The following RPL38 variants were observed in gnomAD, a reference collection of about 807,000 sequenced individuals.
RPL38 encodes the protein large ribosomal subunit protein eL38.
RPL38 carries 2 observed loss-of-function variants against 12.8 expected under a neutral mutation model. That is an observed-to-expected ratio of 0.16 (90% confidence interval 0.06 to 0.49). The LOEUF is 0.49. RPL38 is among the 20% of genes least tolerant of loss of function. The probability of loss-of-function intolerance (pLI) is 0.96; values close to 1 mark genes in which losing one functional copy is unlikely to be tolerated. For synonymous variants in RPL38, 42 were observed against 30.1 expected, an observed-to-expected ratio of 1.39 and a Z score of -1.29; for missense variants, 52 against 79.8, an observed-to-expected ratio of 0.65 and a Z score of 1.33.
chr17:74,206,427 G>A (rs1247668319), intron 3 of RPL38: 1 of 152,168 alleles, frequency 6.6e-6, no homozygotes, highest in Non-Finnish European at 1.5e-5. Flanking sequence ...AAGCATAATT[G>A]TACAGTTCAG....
At chr17:74,206,656 T>C (rs1329916364) in intron 3 of RPL38, among the ~76,000 whole-genome samples, 2 of 152,080 alleles carry the variant, frequency 1.3e-5, no homozygotes, top group Non-Finnish European at 2.9e-5. Flanking sequence ...GTGACTGGCT[T>C]CTCTTCACAT....
In RPL38 at chr17:74,204,208, A is replaced by C. The variant is rs1359895130; in HGVS notation, c.64+18A>C. 2 of 1,612,678 alleles carry C rather than the reference A, an allele frequency of 1.2e-6. No homozygotes were observed. Among genetic ancestry groups the C allele is most frequent in the Non-Finnish European group, 1.7e-6 (2 of 1,178,820 alleles). On this transcript the variant is annotated intron_variant, in intron 3 of 4. Coordinates refer to ENST00000311111, the MANE Select transcript of RPL38 (RefSeq NM_000999.4). ...TGCCAAATGTAAGTGGTTGCTCCGA[A>C]GGTTCAAGAAGAGCGGTGCCTAGCC...
chr17:74,204,507 C>T (rs888603970), intron 3 of RPL38: 8 of 396,462 alleles, frequency 2.0e-5, no homozygotes, highest in Admixed American at 4.1e-5. Context: ...ACACACGTCC[C>T]ATAAACACTG....
chr17:74,205,004 G>C (rs1202086708), intron 3 of RPL38: 2 of 152,226 alleles, frequency 1.3e-5, no homozygotes, highest in Admixed American at 1.3e-4. Context: ...ATTTGAAGCA[G>C]GGCTTCTACT....
rs765664039 is a variant in RPL38 at position 74,204,204 on chromosome 17, C to A, written c.64+14C>A. 6.2e-7 allele frequency: 1 copy of A among 1,613,668 alleles called. No individual in the cohort carries two copies. The highest frequency in any genetic ancestry group is 1.1e-5 in the South Asian group (1 of 91,058). On this transcript the variant is annotated intron_variant, in intron 3 of 4. Coordinates refer to ENST00000311111, the MANE Select transcript of RPL38 (RefSeq NM_000999.4). Reference sequence around the variant, plus strand: ...AGGATGCCAAATGTAAGTGGTTGCTCCGAAGGTTCAAGAAGAGCGGTGCCT... The same window carrying A: ...AGGATGCCAAATGTAAGTGGTTGCTACGAAGGTTCAAGAAGAGCGGTGCCT...
chr17:74,207,402 C>G (rs539793746), intron 3 of RPL38, among the ~76,000 whole-genome samples: 1 of 152,314 alleles, frequency 6.6e-6, no homozygotes, highest in East Asian at 1.9e-4. Flanking sequence ...TACATTTTCG[C>G]TAGTGTGAAT....
intron 4 of RPL38, 32 bp downstream of exon 4, chr17:74,209,341 G>T (rs888429817): frequency 1.2e-6 from 2 of 1,609,474 alleles, no homozygotes; most frequent in African/African-American, 1.3e-5. Context: ...TCAGGGGCGG[G>T]TGGGGTTTGG....
intron 3 of RPL38, 173 bp downstream of exon 3, chr17:74,204,363 C>A: frequency 1.6e-6 from 1 of 613,830 alleles, no homozygotes; most frequent in Non-Finnish European, 2.9e-6. Flanking sequence ...GTGGGGGGCA[C>A]GTTGAGGCCC....
chr17:74,206,224 G>C (rs2050112309), intron 3 of RPL38: 1 of 152,166 alleles, frequency 6.6e-6, no homozygotes, highest in Non-Finnish European at 1.5e-5. Context: ...CCAGCACTTT[G>C]GGAGACTGAG....
At position 74,206,397 on chromosome 17, in the gene RPL38, G is replaced by T. The variant is rs115801977; in HGVS notation, c.64+2207G>T. On this transcript the variant is annotated intron_variant, in intron 3 of 4. Transcript: ENST00000311111. ...TATAGTGAGCCACGATTATGCTACT[G>T]CACTCCGGGCTGGGCAACAAAGCAT... is the stretch of plus-strand genomic sequence containing the variant. 1.0e-2 allele frequency: 1,521 copies of T among 152,304 alleles called. 12 individuals are homozygous for T. The highest frequency in any genetic ancestry group is 0.017 in the Middle Eastern group (5 of 294). The allele number at this position is 152,304 out of a possible 1,614,324, so 9.4% of individuals were successfully genotyped here.
At position 74,204,363 on chromosome 17, in the gene RPL38, C is replaced by T. The variant is rs531627308; in HGVS notation, c.64+173C>T. The T allele has an allele frequency of 1.1e-4, 70 of 613,832 alleles. 1 individual carries two copies. In the South Asian group the frequency reaches 1.3e-3, roughly 12 times the overall value. 38.0% of individuals were successfully genotyped at this position (613,832 alleles called of 1,614,324 possible). On this transcript the variant is annotated intron_variant, in intron 3 of 4. Transcript: ENST00000311111. ...CCATGAGAAAGACCTGTGGGGGGCA[C>T]GTTGAGGCCCTGGAATTTCTAGGAC...
At position 74,210,069 on chromosome 17, in the gene RPL38, C is replaced by A. The variant is rs1157166660; in HGVS notation, c.*240C>A. On this transcript the variant is annotated 3_prime_UTR_variant, in exon 5 of 5. Coordinates refer to ENST00000311111, the MANE Select transcript of RPL38 (RefSeq NM_000999.4). ...GTGGTGCGATATCAGCTCACTACCA[C>A]CTCCGCCTCCTGGGTTCAAGCGACT... The A allele has an allele frequency of 2.4e-5, 10 of 423,032 alleles. No homozygotes were observed. Among genetic ancestry groups the A allele is most frequent in the Non-Finnish European group, 3.4e-5 (8 of 237,654 alleles). The allele number at this position is 423,032 out of a possible 1,614,324, so 26.2% of individuals were successfully genotyped here. A position where few individuals can be genotyped will look rare whatever the true frequency, so the allele number is the denominator to read the frequency against.
chr17:74,209,544 G>A (rs113447047), intron 4 of RPL38: 24 of 638,292 alleles, frequency 3.8e-5, no homozygotes, highest in East Asian at 2.2e-4. Context: ...TCCTGTTCAC[G>A]ACCCTTCGAG....
Position 74,209,976 on chromosome 17 carries a change from GT to G in RPL38, c.*148del. ...GCGGGTTCTGTTGCTGCCTTCCTGT[GT>G]CTTTTTTTTTTTTTTTTTTTCTTTC... is the stretch of plus-strand genomic sequence containing the variant. On this transcript the variant is annotated 3_prime_UTR_variant, in exon 5 of 5. Transcript: ENST00000311111. The G allele has an allele frequency of 2.4e-6, 1 of 414,256 alleles. No individual in the cohort carries two copies. The highest frequency in any genetic ancestry group is 4.4e-5 in the Admixed American group (1 of 22,502). The allele number at this position is 414,256 out of a possible 1,614,324, so 25.7% of individuals were successfully genotyped here.
At chr17:74,204,279 C>T (rs773583902) in intron 3 of RPL38, 89 bp downstream of exon 3, 9 of 1,190,800 alleles carry the variant, frequency 7.6e-6, no homozygotes, top group East Asian at 2.3e-5. Flanking sequence ...AGGCAGGAGA[C>T]GGTTAGGCCG....
At chr17:74,209,527 C>T (rs1276850907) in intron 4 of RPL38, 4 of 656,462 alleles carry the variant, frequency 6.1e-6, no homozygotes, top group South Asian at 2.0e-5. Context: ...GGTTAGAGCT[C>T]ATTTAATCCT....
chr17:74,204,100 C>T (rs146153501), intron 2 of RPL38, 30 bp from the exon 3 acceptor site: 35 of 1,613,828 alleles, frequency 2.2e-5, no homozygotes, highest in Non-Finnish European at 2.7e-5. Flanking sequence ...TCTCTTTCCT[C>T]TCTGTTCACC....
At chr17:74,207,094 C>T (rs2050122135) in intron 3 of RPL38, among the ~76,000 whole-genome samples, 1 of 152,028 alleles carries the variant, frequency 6.6e-6, no homozygotes, top group Non-Finnish European at 1.5e-5. Context: ...TCACTACATC[C>T]TTGATCTCCT....
rs549346092 is a variant in RPL38, at chr17:74,203,869, T to A, written c.-38-49T>A. 428 of 1,474,558 alleles carry A rather than the reference T, an allele frequency of 2.9e-4. 1 individual carries two copies. In the African/African-American group the frequency reaches 5.4e-3, roughly 19 times the overall value. The allele number at this position is 1,474,558 out of a possible 1,614,324, so 91.3% of individuals were successfully genotyped here. ...TCGGGGGAGAGCGGGAAAACGGGGT[T>A]CGCTGCCAGCCCCCGCGCCGTGTTA... On this transcript the variant is annotated intron_variant, in intron 1 of 4. Transcript: ENST00000311111.
Sources: gnomAD v4.1 joint callset for allele counts (sites outside exome capture counted in the v4.1 genomes callset) on GRCh38, gnomAD v4.1.1 for gene constraint, MANE v1.5 for transcripts, NCBI Gene and HGNC (gene_info 2026-07-23, HGNC 2026-07-21) for gene names.